Variants in FRMD4A observed in about 807,000 individuals in gnomAD.
The protein encoded by FRMD4A is FERM domain-containing protein 4A.
A neutral mutation model predicts 129.1 loss-of-function variants in FRMD4A; 29 were observed. That is an observed-to-expected ratio of 0.22 (90% confidence interval 0.17 to 0.31). FRMD4A has a LOEUF of 0.31. Ranked by LOEUF, FRMD4A falls within the 10% of genes least tolerant of loss-of-function variation. FRMD4A has a pLI of 1.00. For missense variants in FRMD4A, 1,272 were observed against 1,375.8 expected (o/e 0.92, Z 1.19); for synonymous variants, 634 against 571.6 (o/e 1.11, Z -1.56).
At chr10:13,684,666 T>C (rs929242491) in intron 15 of FRMD4A, 1 of 985,116 alleles carries the variant, frequency 1.0e-6, no homozygotes, top group Non-Finnish European at 1.2e-6. Flanking sequence ...CAGGAGGACG[T>C]TGTCAGGAGC....
intron 2 of FRMD4A, among the ~76,000 whole-genome samples, chr10:14,263,733 C>G (rs995990875): frequency 3.3e-5 from 5 of 152,072 alleles, no homozygotes; most frequent in Admixed American, 1.3e-4. Flanking sequence ...TGACAATGTT[C>G]AAGGAGGCCC....
intron 2 of FRMD4A, among the ~76,000 whole-genome samples, chr10:14,295,775 G>A (rs1218023957): frequency 1.3e-5 from 2 of 152,110 alleles, no homozygotes; most frequent in African/African-American, 2.4e-5. Context: ...TTAAAGATAT[G>A]TACTACTTAA....
intron 9 of FRMD4A, among the ~76,000 whole-genome samples, chr10:13,746,807 C>T (rs151321897): frequency 0.013 from 1,990 of 152,264 alleles, 17 homozygotes; most frequent in Middle Eastern, 0.024. Flanking sequence ...GGCTTAGGAA[C>T]CCAGTAGGAT....
chr10:14,055,413 C>T (rs962278822), intron 2 of FRMD4A, among the ~76,000 whole-genome samples: 1 of 150,968 alleles, frequency 6.6e-6, no homozygotes. Context: ...GACTTCCCTG[C>T]ACTCTATCCC....
intron 2 of FRMD4A, among the ~76,000 whole-genome samples, chr10:14,191,805 TTC>T (rs71388163): frequency 0.46 from 64,051 of 140,096 alleles, 15,229 homozygotes; most frequent in South Asian, 0.6. Context: ...TTTTTTTTTT[TTC>T]TCTCTCTCTC....
At chr10:14,097,634 T>C (rs1465280029) in intron 2 of FRMD4A, among the ~76,000 whole-genome samples, 1 of 151,942 alleles carries the variant, frequency 6.6e-6, no homozygotes, top group African/African-American at 2.4e-5. Context: ...TATAGATATA[T>C]TATGTCTTAG....
At chr10:14,270,486 T>A (rs145455091) in intron 2 of FRMD4A, among the ~76,000 whole-genome samples, 39 of 152,310 alleles carry the variant, frequency 2.6e-4, no homozygotes, top group African/African-American at 9.4e-4. Flanking sequence ...ATCTTCTTAG[T>A]GGGAAATTCC....
intron 2 of FRMD4A, among the ~76,000 whole-genome samples, chr10:13,981,373 G>A (rs945418034): frequency 3.3e-5 from 5 of 152,180 alleles, no homozygotes; most frequent in African/African-American, 1.2e-4. Flanking sequence ...AGGTCGACCA[G>A]GAGGCCAGAA....
chr10:14,096,674 A>G (rs1396881139), intron 2 of FRMD4A, among the ~76,000 whole-genome samples: 1 of 152,238 alleles, frequency 6.6e-6, no homozygotes, highest in Non-Finnish European at 1.5e-5. Context: ...TTGCTTGGCC[A>G]TGAAAATAAG....
chr10:14,306,350 T>C (rs901787172), intron 2 of FRMD4A, among the ~76,000 whole-genome samples: 4 of 152,158 alleles, frequency 2.6e-5, no homozygotes, highest in Non-Finnish European at 5.9e-5. Flanking sequence ...AGAGAGGTCA[T>C]CTGAACTATC....
chr10:14,182,136 T>C (rs1408767887), intron 2 of FRMD4A, among the ~76,000 whole-genome samples: 1 of 152,232 alleles, frequency 6.6e-6, no homozygotes, highest in East Asian at 1.9e-4. Context: ...GTATAATTGT[T>C]TATCAAACCT....
At chr10:13,854,322 C>G (rs1464014969) in intron 3 of FRMD4A, among the ~76,000 whole-genome samples, 1 of 152,156 alleles carries the variant, frequency 6.6e-6, no homozygotes, top group Non-Finnish European at 1.5e-5. Flanking sequence ...TTCGGCTGAC[C>G]ATAAAACATG....
intron 15 of FRMD4A, chr10:13,693,685 CT>C (rs200663128): frequency 0.23 from 133,499 of 571,088 alleles, 6 homozygotes; most frequent in Middle Eastern, 0.32. Flanking sequence ...TCTACTGATG[CT>C]TTTTTTTTTT....
Position 13,884,240 on chromosome 10 carries a change from A to ACACACACACACC in FRMD4A, c.46-25329_46-25328insGGTGTGTGTGTG, listed in dbSNP as rs200093883. Among the ~76,000 whole-genome samples, 6 of 135,288 alleles carry ACACACACACACC rather than the reference A, an allele frequency of 4.4e-5. No individual in the cohort carries two copies. In the East Asian group the frequency reaches 1.3e-3, roughly 29 times the overall value. The allele number at this position is 135,288 out of a possible 152,430, so 88.8% of individuals were successfully genotyped here. A position where few individuals can be genotyped will look rare whatever the true frequency, so the allele number is the denominator to read the frequency against. Reference sequence around the variant, plus strand: ...CACACACACACACACACACACACACACTCCCTAAAAGGCATCCTGTATATT... The same window carrying ACACACACACACC: ...CACACACACACACACACACACACACACACACACACACCCTCCCTAAAAGGCATCCTGTATATT... On this transcript the variant is annotated intron_variant, in intron 2 of 24. Coordinates refer to ENST00000357447, the MANE Select transcript of FRMD4A (RefSeq NM_018027.5).
intron 13 of FRMD4A, among the ~76,000 whole-genome samples, chr10:13,703,533 C>T (rs780306180): frequency 2.6e-5 from 4 of 152,144 alleles, no homozygotes; most frequent in African/African-American, 7.2e-5. Context: ...ATTAAATGAC[C>T]GTATCTGGCG....
chr10:14,146,431 CAACAT>C (rs377198496), intron 2 of FRMD4A, among the ~76,000 whole-genome samples: 137 of 152,306 alleles, frequency 9.0e-4, no homozygotes, highest in African/African-American at 2.9e-3. Context: ...CAACACAACA[CAACAT>C]GACTTAATGC....
intron 3 of FRMD4A, among the ~76,000 whole-genome samples, chr10:13,851,326 CATA>C (rs1364887373): frequency 6.6e-6 from 1 of 152,220 alleles, no homozygotes; most frequent in African/African-American, 2.4e-5. Context: ...CGATTGCCTT[CATA>C]ATATTTTCTC....
intron 2 of FRMD4A, among the ~76,000 whole-genome samples, chr10:14,192,429 T>C (rs1842346643): frequency 6.6e-6 from 1 of 152,344 alleles, no homozygotes; most frequent in Non-Finnish European, 1.5e-5. Flanking sequence ...TATCAGGAAA[T>C]ATACATTCAC....
chr10:13,657,354 G>A lies in FRMD4A; in HGVS notation c.2235C>T (p.Asp745=), dbSNP rs1463424986. 4 of 1,610,928 alleles carry A rather than the reference G, an allele frequency of 2.5e-6. No individual in the cohort carries two copies. The highest frequency in any genetic ancestry group is 1.7e-6 in the Non-Finnish European group (2 of 1,179,548). Residue 745 remains aspartate (D), a synonymous_variant, in exon 22 of 25, where the codon GAC becomes GAT. Transcript: ENST00000357447. ...AGTGGCTGGTGCACGACGAGCAGTC[G>A]TCCATGGGGTCTGAGCCGTTGCTGC... is the stretch of plus-strand genomic sequence containing the variant. ...TRSSNGSDPM[D]DCSSCTSHSS...
Sources: allele counts gnomAD v4.1 joint callset (sites outside exome capture counted in the v4.1 genomes callset), GRCh38; gene constraint gnomAD v4.1.1; transcripts MANE v1.5; gene names NCBI Gene and HGNC (gene_info 2026-07-23, HGNC 2026-07-21).